LAMA3: variants seen among roughly 807,000 people sequenced by gnomAD.
LAMA3 encodes laminin subunit alpha 3.
Under a neutral mutation model 402.0 loss-of-function variants are expected in LAMA3, and 281 were observed. The observed-to-expected ratio is 0.70, with a 90% CI of 0.63 to 0.77. The LOEUF (loss-of-function observed/expected upper bound fraction) is 0.77. Ranked by LOEUF, LAMA3 falls within the 30% of genes least tolerant of loss-of-function variation. The pLI, the probability that LAMA3 is intolerant of heterozygous loss-of-function variation, is 0.00. For missense variants in LAMA3, 3,840 were observed against 4,215.5 expected, an observed-to-expected ratio of 0.91 and a Z score of 2.47; for synonymous variants, 1,431 against 1,558.4, an observed-to-expected ratio of 0.92 and a Z score of 1.93.
At chr18:23,911,491 G>A (rs1004718388) in intron 55 of LAMA3, among the ~76,000 whole-genome samples, 2 of 152,098 alleles carry the variant, frequency 1.3e-5, no homozygotes, top group Non-Finnish European at 2.9e-5. Flanking sequence ...CAACATGCAA[G>A]CATGTGATCG....
At position 23,839,979 on chromosome 18, in the gene LAMA3, C is replaced by T. The variant is rs1276603537; in HGVS notation, c.3336+50C>T. ...GGTTCTCAAAGTATGACCTCTGAAGCAGCAGCATCCACATCACTTGGAAAC... is the reference window on the plus strand; with the variant it reads ...GGTTCTCAAAGTATGACCTCTGAAGTAGCAGCATCCACATCACTTGGAAAC... On this transcript the variant is annotated intron_variant, in intron 27 of 74. Transcript: ENST00000313654. The surrounding 1 kb of genome is among the most constrained non-coding windows in gnomAD (Gnocchi z 4.5). 2.5e-6 allele frequency: 4 copies of T among 1,583,698 alleles called. No individual in the cohort carries two copies. In the South Asian group the frequency reaches 4.4e-5, roughly 18 times the overall value.
At chr18:23,943,664 T>C in intron 68 of LAMA3, 124 bp from the exon 69 acceptor site, 1 of 821,820 alleles carries the variant, frequency 1.2e-6, no homozygotes, top group Non-Finnish European at 2.1e-6. Flanking sequence ...AATCAGTACC[T>C]ACGTTAGCTT....
intron 52 of LAMA3, among the ~76,000 whole-genome samples, chr18:23,906,137 A>G (rs1198475268): frequency 1.3e-5 from 2 of 152,082 alleles, no homozygotes; most frequent in African/African-American, 4.8e-5. Flanking sequence ...AATATTCCCC[A>G]CCTATCATGT....
chr18:23,764,029 A>G (rs192451578), intron 8 of LAMA3, among the ~76,000 whole-genome samples: 1 of 152,344 alleles, frequency 6.6e-6, no homozygotes, highest in Admixed American at 6.5e-5. Context: ...AAGGGAGTGT[A>G]TGGCGGAAGA....
Position 23,714,091 on chromosome 18 carries a change from T to C in LAMA3, c.447+19T>C. On this transcript the variant is annotated intron_variant, in intron 2 of 74. Transcript: ENST00000313654. ...GGGGCAGGTGAGCTACACTTTTAACTGGAATGGGAACATGAGCTTAGATCA... is the reference window on the plus strand; with the variant it reads ...GGGGCAGGTGAGCTACACTTTTAACCGGAATGGGAACATGAGCTTAGATCA... 1 of 1,608,996 alleles carries C rather than the reference T, an allele frequency of 6.2e-7. No individual in the cohort carries two copies. The highest frequency in any genetic ancestry group is 8.5e-7 in the Non-Finnish European group (1 of 1,175,402).
intron 1 of LAMA3, 22 bp downstream of exon 1, chr18:23,689,999 G>C: frequency 7.1e-7 from 1 of 1,411,612 alleles, no homozygotes; most frequent in Non-Finnish European, 9.3e-7. Context: ...GGAGAGAGCC[G>C]GGGTGGGCGC....
chr18:23,717,639 G>A (rs748344288), intron 2 of LAMA3, among the ~76,000 whole-genome samples: 12 of 131,170 alleles, frequency 9.1e-5, no homozygotes, highest in South Asian at 2.5e-4. Context: ...TGCAACCTCC[G>A]TCTCCCAGGT....
intron 2 of LAMA3, among the ~76,000 whole-genome samples, chr18:23,733,272 G>A (rs1006686649): frequency 2.0e-5 from 3 of 152,102 alleles, no homozygotes; most frequent in Non-Finnish European, 2.9e-5. Flanking sequence ...GTATTAGTCC[G>A]TTTTCATGCT....
At position 23,864,928 on chromosome 18, in the gene LAMA3, A is replaced by G. The variant is rs747261746; in HGVS notation, c.4683+45A>G. On this transcript the variant is annotated intron_variant, in intron 36 of 74. Coordinates refer to ENST00000313654, the MANE Select transcript of LAMA3 (RefSeq NM_198129.4). ...CTAAGTGGCAGGAAGTGGCAGTTGC[A>G]GTTGGTGCTGATCTAAATTTAGGAC... 5.0e-6 allele frequency: 6 copies of G among 1,203,336 alleles called. No homozygotes were observed. The Admixed American group carries it at 8.4e-5, about 17-fold the overall frequency. 74.5% of individuals were successfully genotyped at this position (1,203,336 alleles called of 1,614,324 possible). A position where few individuals can be genotyped will look rare whatever the true frequency, so the allele number is the denominator to read the frequency against.
rs1555756804 is a variant in LAMA3 at position 23,954,646 on chromosome 18, T to A, written c.10000T>A (p.Ter3334LysextTer64). 1 of 1,613,946 alleles carries A rather than the reference T, an allele frequency of 6.2e-7. No homozygotes were observed. The highest frequency in any genetic ancestry group is 1.3e-5 in the African/African-American group (1 of 74,898). Reference protein sequence around the residue: ...PVSLNGCPDQ* With the variant: ...PVSLNGCPDQK The stretch of plus-strand genomic sequence containing the variant: ...CAGTCTGAATGGTTGTCCTGACCAG[T>A]AACCCAAGCCTATTTCACAGCAAGG... The change falls in exon 75 of 75, where the codon TAA becomes AAA. Residue 3334 changes from the stop codon to lysine, a stop_lost. Coordinates refer to ENST00000313654, the MANE Select transcript of LAMA3 (RefSeq NM_198129.4).
At chr18:23,824,648 C>T (rs962514488) in intron 21 of LAMA3, 83 bp downstream of exon 21, 11 of 1,445,438 alleles carry the variant, frequency 7.6e-6, no homozygotes, top group Admixed American at 6.7e-5. Context: ...CAATCCACAG[C>T]GACCATAAAA....
chr18:23,702,436 G>T (rs1242471232), intron 1 of LAMA3, among the ~76,000 whole-genome samples: 4 of 152,060 alleles, frequency 2.6e-5, no homozygotes, highest in Non-Finnish European at 4.4e-5. Context: ...GCTCAAGGGA[G>T]CCTCAGCCTC....
chr18:23,718,678 G>C (rs1238447815), intron 2 of LAMA3, among the ~76,000 whole-genome samples: 2 of 152,156 alleles, frequency 1.3e-5, no homozygotes, highest in Non-Finnish European at 2.9e-5. Flanking sequence ...CTGCTGAGAT[G>C]GTCCTTTGGG....
chr18:23,946,720 T>C, intron 70 of LAMA3: 1 of 179,462 alleles, frequency 5.6e-6, no homozygotes, highest in Non-Finnish European at 1.2e-5. Flanking sequence ...TTATTTTAAA[T>C]GTGCTTCTAT....
intron 12 of LAMA3, among the ~76,000 whole-genome samples, chr18:23,786,648 A>G (rs1255733104): frequency 6.6e-6 from 1 of 152,222 alleles, no homozygotes; most frequent in Non-Finnish European, 1.5e-5. Context: ...AGAAGAAGAC[A>G]ATAGAAACCA....
chr18:23,718,008 A>C (rs1362836080), intron 2 of LAMA3, among the ~76,000 whole-genome samples: 1 of 152,172 alleles, frequency 6.6e-6, no homozygotes, highest in Non-Finnish European at 1.5e-5. Context: ...TTCAGGCTAT[A>C]GAATGAGAAC....
At chr18:23,881,597 G>A (rs538830997) in intron 39 of LAMA3, among the ~76,000 whole-genome samples, 2 of 152,162 alleles carry the variant, frequency 1.3e-5, no homozygotes, top group African/African-American at 4.8e-5. Context: ...TCATACACTA[G>A]TAAAATTGAT....
intron 40 of LAMA3, among the ~76,000 whole-genome samples, 167 bp from the exon 41 acceptor site, chr18:23,884,606 C>A (rs1221177558): frequency 6.6e-6 from 1 of 152,188 alleles, no homozygotes; most frequent in African/African-American, 2.4e-5. Flanking sequence ...TGAGATCATT[C>A]ATCATTATCT....
chr18:23,887,814 A>G (rs551151686), intron 41 of LAMA3, among the ~76,000 whole-genome samples: 1 of 152,342 alleles, frequency 6.6e-6, no homozygotes, highest in African/African-American at 2.4e-5. Flanking sequence ...ACACAGGGCC[A>G]CACAAGACAA....
Sources: allele counts gnomAD v4.1 joint callset (sites outside exome capture counted in the v4.1 genomes callset), GRCh38; gene constraint gnomAD v4.1.1; non-coding constraint Gnocchi (gnomAD v3.1); transcripts MANE v1.5; gene names NCBI Gene and HGNC (gene_info 2026-07-23, HGNC 2026-07-21).